TRDN: variants seen among roughly 807,000 people sequenced by gnomAD.
The protein encoded by TRDN is triadin.
In TRDN, 161 loss-of-function variants were observed where a neutral mutation model predicts 149.7. The ratio of observed to expected loss-of-function variants is 1.08; its 90% confidence interval spans 0.95 to 1.23. The LOEUF is 1.23. TRDN is among the 50% of genes most tolerant of loss of function. TRDN has a pLI of 0.00. For synonymous variants in TRDN, 294 were observed against 250.5 expected (o/e 1.17, Z -1.64); for missense variants, 896 against 823.5 (o/e 1.09, Z -1.08).
intron 4 of TRDN, among the ~76,000 whole-genome samples, chr6:123,538,373 C>T (rs1780655628): frequency 6.6e-6 from 1 of 152,122 alleles, no homozygotes; most frequent in Non-Finnish European, 1.5e-5. Flanking sequence ...ATGCCAAACA[C>T]AGCTGTTTGC....
intron 14 of TRDN, 34 bp downstream of exon 14, chr6:123,388,488 C>T (rs865931058): frequency 3.2e-6 from 5 of 1,576,204 alleles, no homozygotes; most frequent in Non-Finnish European, 4.3e-6. Context: ...ATTGTACTCA[C>T]AAAAGGCTCA....
chr6:123,573,567 A>G lies in TRDN; in HGVS notation c.23-2435T>C, dbSNP rs113142065. On this transcript the variant is annotated intron_variant, in intron 1 of 40. Transcript: ENST00000334268. ...TTGTTTCCATTTAATAAGCACATAC[A>G]TTAGGCTAAGATATTTTCAGGGACT... is the stretch of plus-strand genomic sequence containing the variant. Among the ~76,000 whole-genome samples, 119 of 152,134 alleles carry G rather than the reference A, an allele frequency of 7.8e-4. 1 individual carries two copies. Among genetic ancestry groups the G allele is most frequent in the African/African-American group, 2.7e-3 (114 of 41,558 alleles).
At chr6:123,391,173 AAATTCT>A (rs1782099229) in intron 13 of TRDN, among the ~76,000 whole-genome samples, 1 of 152,058 alleles carries the variant, frequency 6.6e-6, no homozygotes, top group Non-Finnish European at 1.5e-5. Context: ...TCCCCCATCT[AAATTCT>A]AATTGGCTCC....
chr6:123,512,190 AC>A, intron 7 of TRDN, 112 bp downstream of exon 7: 4 of 591,630 alleles, frequency 6.8e-6, no homozygotes, highest in Non-Finnish European at 8.7e-6. Flanking sequence ...GACCAAATTA[AC>A]TTTTTAATAT....
intron 38 of TRDN, among the ~76,000 whole-genome samples, chr6:123,248,425 T>C (rs1776260450): frequency 6.6e-6 from 1 of 151,788 alleles, no homozygotes; most frequent in African/African-American, 2.4e-5. Flanking sequence ...GGTGTGGTGG[T>C]GGGCACCTGT....
At chr6:123,376,772 TG>T (rs1440437873) in intron 18 of TRDN, among the ~76,000 whole-genome samples, 3 of 152,104 alleles carry the variant, frequency 2.0e-5, no homozygotes, top group Non-Finnish European at 4.4e-5. Context: ...AGACTACAGT[TG>T]GGCCCCTTTG....
intron 19 of TRDN, among the ~76,000 whole-genome samples, chr6:123,373,928 C>T (rs1314397134): frequency 6.6e-6 from 1 of 152,096 alleles, no homozygotes; most frequent in Non-Finnish European, 1.5e-5. Flanking sequence ...TTATAAGTAG[C>T]CTGCTGTATG....
chr6:123,409,401 A>G (rs1246424425), intron 12 of TRDN, among the ~76,000 whole-genome samples: 1 of 152,188 alleles, frequency 6.6e-6, no homozygotes, highest in Admixed American at 6.5e-5. Context: ...CACGCTTTGA[A>G]TCTTGGCTTT....
At chr6:123,367,861 T>G (rs1287987470) in intron 19 of TRDN, among the ~76,000 whole-genome samples, 4 of 152,178 alleles carry the variant, frequency 2.6e-5, no homozygotes, top group Admixed American at 2.6e-4. Flanking sequence ...TCAAGACTAT[T>G]CCTACTGTGA....
In TRDN at chr6:123,636,910, T is replaced by C. The variant is rs75178035; in HGVS notation, c.-135A>G. Reference sequence around the variant, plus strand: ...GGCTCTTCGTTTTCCTGGCTGTTTCTGCTGCTTCTTTGTTGTCCTGTTGAA... The same window carrying C: ...GGCTCTTCGTTTTCCTGGCTGTTTCCGCTGCTTCTTTGTTGTCCTGTTGAA... On this transcript the variant is annotated 5_prime_UTR_variant, in exon 1 of 41. Coordinates refer to ENST00000334268, the MANE Select transcript of TRDN (RefSeq NM_006073.4). 9.7e-3 allele frequency: 9,470 copies of C among 980,148 alleles called. 376 individuals are homozygous for C. In the African/African-American group the frequency reaches 0.11, roughly 11 times the overall value. The allele number at this position is 980,148 out of a possible 1,614,324, so 60.7% of individuals were successfully genotyped here.
chr6:123,491,761 AC>A (rs1391727208), intron 9 of TRDN, among the ~76,000 whole-genome samples: 1 of 152,136 alleles, frequency 6.6e-6, no homozygotes, highest in African/African-American at 2.4e-5. Flanking sequence ...AATTCCCGAA[AC>A]TTTTGTTGTG....
intron 12 of TRDN, among the ~76,000 whole-genome samples, chr6:123,427,355 A>C (rs1385455390): frequency 6.6e-6 from 1 of 151,976 alleles, no homozygotes; most frequent in Non-Finnish European, 1.5e-5. Flanking sequence ...TAACAATAAT[A>C]ATAATAACTT....
intron 1 of TRDN, among the ~76,000 whole-genome samples, chr6:123,574,857 C>CATATATAT (rs1162190609): frequency 0.026 from 1,317 of 50,206 alleles, 15 homozygotes; most frequent in Middle Eastern, 0.071. Context: ...TTTATATATA[C>CATATATAT]ATATATATAT....
chr6:123,564,002 A>G (rs560032423), intron 2 of TRDN, among the ~76,000 whole-genome samples: 4 of 152,352 alleles, frequency 2.6e-5, no homozygotes, highest in African/African-American at 9.6e-5. Context: ...TTTTAAGACT[A>G]AAAATGTAGG....
chr6:123,368,090 G>T (rs1178961553), intron 19 of TRDN, among the ~76,000 whole-genome samples: 5 of 152,030 alleles, frequency 3.3e-5, no homozygotes, highest in East Asian at 3.9e-4. Flanking sequence ...GCTCACTAAG[G>T]CCACTGTATC....
chr6:123,466,658 C>A (rs9490775), intron 9 of TRDN, among the ~76,000 whole-genome samples: 15,522 of 151,672 alleles, frequency 0.1, 786 homozygotes, highest in African/African-American at 0.12. Context: ...TATTCCCCAA[C>A]CTTGTTTGAG....
chr6:123,260,244 T>G (rs937505022), intron 34 of TRDN, among the ~76,000 whole-genome samples: 5 of 152,088 alleles, frequency 3.3e-5, no homozygotes, highest in Admixed American at 6.6e-5. Flanking sequence ...GCATGATGGA[T>G]TCATAAGTAA....
At chr6:123,367,056 G>A (rs1233066171) in intron 19 of TRDN, among the ~76,000 whole-genome samples, 1 of 152,096 alleles carries the variant, frequency 6.6e-6, no homozygotes, top group East Asian at 1.9e-4. Context: ...GACAAAAAGT[G>A]GCCTTTTGGT....
Position 123,337,444 on chromosome 6 carries a change from TGAG to T in TRDN, c.1420+172_1420+174del, listed in dbSNP as rs538226358. On this transcript the variant is annotated intron_variant, in intron 22 of 40. Coordinates refer to ENST00000334268, the MANE Select transcript of TRDN (RefSeq NM_006073.4). ...AATCAGAGCACTTTCTTGGTAATAA[TGAG>T]AAGAAATAATTTTAGAGACAAACAA... is the stretch of plus-strand genomic sequence containing the variant. 3.7e-4 allele frequency among the ~76,000 whole-genome samples: 57 copies of T among 152,184 alleles called. No homozygotes were observed. The East Asian group carries it at 0.01, about 27-fold the overall frequency.
Sources: allele counts gnomAD v4.1 joint callset (sites outside exome capture counted in the v4.1 genomes callset), GRCh38; gene constraint gnomAD v4.1.1; transcripts MANE v1.5; gene names NCBI Gene and HGNC (gene_info 2026-07-23, HGNC 2026-07-21).